MAP2K1: variants seen among roughly 807,000 people sequenced by gnomAD.
The protein encoded by MAP2K1 is mitogen-activated protein kinase kinase 1.
In MAP2K1, 16 loss-of-function variants were observed where a neutral mutation model predicts 46.3. The ratio of observed to expected loss-of-function variants is 0.35; its 90% confidence interval spans 0.23 to 0.52. The LOEUF (loss-of-function observed/expected upper bound fraction) is 0.52. MAP2K1 is among the 20% of genes least tolerant of loss of function. MAP2K1 has a pLI of 0.94. For missense variants in MAP2K1, 263 were observed against 497.1 expected (o/e 0.53, Z 4.48); for synonymous variants, 183 against 185.6 (o/e 0.99, Z 0.11).
At chr15:66,449,604 GGTGC>G (rs1345176968) in intron 5 of MAP2K1, among the ~76,000 whole-genome samples, 2 of 152,190 alleles carry the variant, frequency 1.3e-5, no homozygotes, top group Non-Finnish European at 2.9e-5. Flanking sequence ...CTGTAGGCTG[GGTGC>G]GGTGGCTCAC....
chr15:66,449,885 C>A (rs1220688040), intron 5 of MAP2K1, among the ~76,000 whole-genome samples: 1 of 151,636 alleles, frequency 6.6e-6, no homozygotes, highest in African/African-American at 2.4e-5. Flanking sequence ...GTCAAAAATC[C>A]TCAATAAAAT....
At chr15:66,407,657 T>C (rs1191847926) in intron 1 of MAP2K1, among the ~76,000 whole-genome samples, 1 of 152,216 alleles carries the variant, frequency 6.6e-6, no homozygotes, top group African/African-American at 2.4e-5. Flanking sequence ...TGTCTTCTGT[T>C]GTAATCTTAC....
chr15:66,470,835 C>T (rs1168602773), intron 5 of MAP2K1, among the ~76,000 whole-genome samples: 2 of 152,160 alleles, frequency 1.3e-5, no homozygotes, highest in East Asian at 1.9e-4. Context: ...CCCTGTGACA[C>T]AGCCTCAGGA....
chr15:66,411,215 G>A (rs1006430240), intron 1 of MAP2K1, among the ~76,000 whole-genome samples: 12 of 152,118 alleles, frequency 7.9e-5, no homozygotes, highest in Non-Finnish European at 5.9e-5. Flanking sequence ...TTAATATGGG[G>A]CCTGGCATGA....
intron 1 of MAP2K1, among the ~76,000 whole-genome samples, chr15:66,388,415 T>C (rs1027595319): frequency 1.3e-5 from 2 of 152,196 alleles, no homozygotes; most frequent in African/African-American, 4.8e-5. Context: ...TCAATAAGGA[T>C]TGGGTTCTTA....
intron 6 of MAP2K1, among the ~76,000 whole-genome samples, chr15:66,482,531 C>T (rs1015235213): frequency 6.6e-6 from 1 of 152,214 alleles, no homozygotes; most frequent in Non-Finnish European, 1.5e-5. Flanking sequence ...TCCTCCTGCT[C>T]CTGGCTCTGC....
intron 5 of MAP2K1, among the ~76,000 whole-genome samples, chr15:66,468,132 C>T (rs1354194654): frequency 6.6e-6 from 1 of 152,086 alleles, no homozygotes; most frequent in African/African-American, 2.4e-5. Context: ...TTGATTTGTG[C>T]TTTTATTTTT....
intron 1 of MAP2K1, among the ~76,000 whole-genome samples, chr15:66,416,542 A>G (rs1415312577): frequency 6.6e-6 from 1 of 152,190 alleles, no homozygotes; most frequent in Non-Finnish European, 1.5e-5. Context: ...GATTCACTCA[A>G]GTTACCTATC....
At chr15:66,408,705 G>C (rs964290650) in intron 1 of MAP2K1, among the ~76,000 whole-genome samples, 3 of 152,208 alleles carry the variant, frequency 2.0e-5, no homozygotes, top group Non-Finnish European at 2.9e-5. Flanking sequence ...ATCTTCCTCA[G>C]TGGGTCCTGG....
Position 66,396,133 on chromosome 15 carries a change from A to G in MAP2K1, c.80+8706A>G, listed in dbSNP as rs183888696. Among the ~76,000 whole-genome samples the G allele has an allele frequency of 1.6e-3, 243 of 152,098 alleles. 1 individual carries two copies. The highest frequency in any genetic ancestry group is 6.8e-3 in the Middle Eastern group (2 of 294). ...GCGATTCTCCTGCCTCAGCCTCCCA[A>G]GTAGCTGGGCTACAGGTATGCGCCA... On this transcript the variant is annotated intron_variant, in intron 1 of 10. Transcript: ENST00000307102.
At chr15:66,461,971 A>T (rs1193897574) in intron 5 of MAP2K1, among the ~76,000 whole-genome samples, 1 of 152,220 alleles carries the variant, frequency 6.6e-6, no homozygotes, top group Non-Finnish European at 1.5e-5. Flanking sequence ...AGTGTTGTGT[A>T]ATAGCATTAA....
rs2140584547 is a variant in MAP2K1 at position 66,436,910 on chromosome 15, A to G, written c.438+18A>G. ...AGCACATGGTATGTGACACCCTCTC[A>G]GCCTCTGGAGCAATGGCCTTAAGAG... is the stretch of plus-strand genomic sequence containing the variant. On this transcript the variant is annotated intron_variant, in intron 3 of 10. Coordinates refer to ENST00000307102, the MANE Select transcript of MAP2K1 (RefSeq NM_002755.4). 6.2e-7 allele frequency: 1 copy of G among 1,613,738 alleles called. No individual in the cohort carries two copies. The highest frequency in any genetic ancestry group is 8.5e-7 in the Non-Finnish European group (1 of 1,179,800).
rs1177367316 is a variant in MAP2K1 at position 66,489,742 on chromosome 15, A to G, written c.1047A>G (p.Arg349=). 6.2e-7 allele frequency: 1 copy of G among 1,613,920 alleles called. No homozygotes were observed. Among genetic ancestry groups the G allele is most frequent in the South Asian group, 1.1e-5 (1 of 91,084 alleles). ...GCTTAATAAAAAACCCCGCAGAGAG[A>G]GCAGATTTGAAGCAACTCATGGTGA... ...NKCLIKNPAE[R]ADLKQLMVHA... is the part of the protein sequence containing the mutation. Residue 349 remains arginine, a synonymous_variant, in exon 10 of 11, where the codon AGA becomes AGG. Transcript: ENST00000307102.
chr15:66,470,170 C>T (rs753524007), intron 5 of MAP2K1, among the ~76,000 whole-genome samples: 2 of 134,094 alleles, frequency 1.5e-5, no homozygotes, highest in Non-Finnish European at 3.1e-5. Context: ...TGGAACTTTC[C>T]TTCAAATTTG....
In MAP2K1 at chr15:66,434,987, C is replaced by G. The variant is rs8043109; in HGVS notation, c.81-40C>G. 3.3e-3 allele frequency: 4,338 copies of G among 1,301,914 alleles called. 115 individuals are homozygous for G. In the African/African-American group the frequency reaches 0.057, roughly 17 times the overall value. 80.6% of individuals were successfully genotyped at this position (1,301,914 alleles called of 1,614,324 possible). A position where few individuals can be genotyped will look rare whatever the true frequency, so the allele number is the denominator to read the frequency against. On this transcript the variant is annotated intron_variant, in intron 1 of 10. Coordinates refer to ENST00000307102, the MANE Select transcript of MAP2K1 (RefSeq NM_002755.4). ...GGAGTACTTCTTTGGGTTGACTTCT[C>G]TGGTGACAGTATTGACTTGTGCTCC...
chr15:66,418,889 G>A (rs963852051), intron 1 of MAP2K1, among the ~76,000 whole-genome samples: 2 of 146,970 alleles, frequency 1.4e-5, no homozygotes, highest in East Asian at 2.0e-4. Flanking sequence ...CTTGTGATCC[G>A]CCCACCTCAG....
intron 5 of MAP2K1, among the ~76,000 whole-genome samples, chr15:66,454,752 G>T (rs56188887): frequency 1.3e-5 from 2 of 151,968 alleles, no homozygotes; most frequent in Non-Finnish European, 2.9e-5. Context: ...GCGTGGTGCC[G>T]TGCGCCTGTA....
chr15:66,389,227 C>T (rs2093351070), intron 1 of MAP2K1, among the ~76,000 whole-genome samples: 1 of 152,136 alleles, frequency 6.6e-6, no homozygotes, highest in South Asian at 2.1e-4. Context: ...TTTTAGTATA[C>T]AGTGTTTCAC....
intron 1 of MAP2K1, among the ~76,000 whole-genome samples, chr15:66,402,637 G>T (rs779936965): frequency 6.6e-6 from 1 of 151,946 alleles, no homozygotes; most frequent in Admixed American, 6.6e-5. Context: ...TTTCAAATAC[G>T]TAACATTTTG....
Sources: gnomAD v4.1 joint callset for allele counts (sites outside exome capture counted in the v4.1 genomes callset) on GRCh38, gnomAD v4.1.1 for gene constraint, MANE v1.5 for transcripts, NCBI Gene and HGNC (gene_info 2026-07-23, HGNC 2026-07-21) for gene names.